TENM2: variants seen among roughly 807,000 people sequenced by gnomAD.
TENM2 encodes teneurin-2.
TENM2 carries 52 observed loss-of-function variants against 245.2 expected under a neutral mutation model. The ratio of observed to expected loss-of-function variants is 0.21; its 90% CI spans 0.17 to 0.27. The LOEUF (loss-of-function observed/expected upper bound fraction) is 0.27. TENM2 is among the 10% of genes least tolerant of loss of function. The pLI, the probability that TENM2 is intolerant of heterozygous loss-of-function variation, is 1.00. For synonymous variants in TENM2, 1,363 were observed against 1,438.9 expected (o/e 0.95, Z 1.19); for missense variants, 3,046 against 3,666.8 (o/e 0.83, Z 4.37).
chr5:167,623,326 C>T (rs1292863703), intron 2 of TENM2, among the ~76,000 whole-genome samples: 1 of 152,040 alleles, frequency 6.6e-6, no homozygotes, highest in African/African-American at 2.4e-5. Context: ...CAGGGAAGAC[C>T]GAATTCTCTT....
chr5:167,210,525 G>A, the TENM2 span, among the ~76,000 whole-genome samples: 3 of 145,902 alleles, frequency 2.1e-5, no homozygotes, highest in Non-Finnish European at 4.5e-5. Flanking sequence ...CTGCAGTGGC[G>A]CAATCTCGGC....
chr5:167,761,103 CT>C (rs1762634919), intron 2 of TENM2, among the ~76,000 whole-genome samples: 1 of 152,172 alleles, frequency 6.6e-6, no homozygotes, highest in South Asian at 2.1e-4. Flanking sequence ...TTTTCCTCTT[CT>C]GTCTTTTGTA....
chr5:168,018,921 G>A (rs1211828510), intron 5 of TENM2, among the ~76,000 whole-genome samples: 6 of 152,126 alleles, frequency 3.9e-5, no homozygotes, highest in African/African-American at 1.4e-4. Flanking sequence ...TATAACACAA[G>A]ACCAAGGAGA....
At chr5:168,047,276 A>T in intron 5 of TENM2, 151 bp from the exon 8 acceptor site, 1 of 781,834 alleles carries the variant, frequency 1.3e-6, no homozygotes. Context: ...TGCTTTCTGT[A>T]TTTAGCTAAT....
chr5:167,195,494 A>G, the TENM2 span, among the ~76,000 whole-genome samples: 1 of 152,024 alleles, frequency 6.6e-6, no homozygotes, highest in Admixed American at 6.6e-5. Flanking sequence ...CAACTACTCA[A>G]CTCAAGTTTG....
intron 2 of TENM2, among the ~76,000 whole-genome samples, chr5:167,503,691 C>G (rs542321841): frequency 6.6e-6 from 1 of 152,060 alleles, no homozygotes. Context: ...CCCAGGAGTT[C>G]CAGACCAGTC....
intron 2 of TENM2, among the ~76,000 whole-genome samples, chr5:167,547,911 T>C (rs1482292188): frequency 6.6e-6 from 1 of 152,216 alleles, no homozygotes; most frequent in Non-Finnish European, 1.5e-5. Flanking sequence ...TCTATTAAGA[T>C]CATTTACACC....
intron 5 of TENM2, among the ~76,000 whole-genome samples, chr5:168,018,443 T>C (rs545304788): frequency 6.6e-6 from 1 of 151,968 alleles, no homozygotes; most frequent in Non-Finnish European, 1.5e-5. Context: ...AAATGAGCTT[T>C]AGGGGGAGAA....
intron 2 of TENM2, among the ~76,000 whole-genome samples, chr5:167,872,545 AAAGAGAAAG>A (rs1773049243): frequency 5.5e-5 from 3 of 54,962 alleles, no homozygotes; most frequent in African/African-American, 1.1e-4. Flanking sequence ...AGAAAGAAAG[AAAGAGAAAG>A]AAAGAAAGAA....
chr5:167,141,580 A>G, the TENM2 span, among the ~76,000 whole-genome samples: 1 of 152,092 alleles, frequency 6.6e-6, no homozygotes, highest in South Asian at 2.1e-4. Context: ...CCATCACCAC[A>G]TTTCATTTGT....
chr5:166,984,783 A>C, the TENM2 span, among the ~76,000 whole-genome samples: 3 of 152,138 alleles, frequency 2.0e-5, no homozygotes, highest in South Asian at 6.2e-4. Flanking sequence ...TCCTTGCAAC[A>C]GACTTTCTGA....
intron 4 of TENM2, among the ~76,000 whole-genome samples, chr5:167,984,069 G>A (rs1426297494): frequency 1.3e-5 from 2 of 152,098 alleles, no homozygotes; most frequent in East Asian, 1.9e-4. Context: ...AGCCCAAGAA[G>A]TAGCTACTAT....
At chr5:167,321,782 CTTAT>C (rs1756741788) in intron 1 of TENM2, among the ~76,000 whole-genome samples, 1 of 59,738 alleles carries the variant, frequency 1.7e-5, no homozygotes, top group Non-Finnish European at 3.1e-5. Context: ...GCTGCCTTGG[CTTAT>C]TTTTTTTTTT....
intron 2 of TENM2, among the ~76,000 whole-genome samples, chr5:167,587,137 A>G (rs1178336354): frequency 4.6e-5 from 7 of 152,044 alleles, no homozygotes; most frequent in African/African-American, 9.7e-5. Context: ...GGTTAATGCA[A>G]TTCATCTCTT....
At chr5:168,127,069 C>T in intron 12 of TENM2, 103 bp downstream of exon 14, 2 of 997,594 alleles carry the variant, frequency 2.0e-6, no homozygotes, top group Non-Finnish European at 1.5e-6. Context: ...ACATTTCCTG[C>T]TGCCCCTCCA....
chr5:167,626,993 A>G (rs966973928), intron 2 of TENM2, among the ~76,000 whole-genome samples: 1 of 152,298 alleles, frequency 6.6e-6, no homozygotes, highest in East Asian at 1.9e-4. Context: ...GAGGCTTTCC[A>G]TGCAACCAAG....
At chr5:167,767,571 C>T (rs1488042461) in intron 2 of TENM2, among the ~76,000 whole-genome samples, 1 of 152,058 alleles carries the variant, frequency 6.6e-6, no homozygotes, top group Non-Finnish European at 1.5e-5. Flanking sequence ...TACTTCAACA[C>T]AATAAAAGAG....
At chr5:167,674,630 T>C (rs1756190136) in intron 2 of TENM2, among the ~76,000 whole-genome samples, 1 of 152,134 alleles carries the variant, frequency 6.6e-6, no homozygotes, top group Non-Finnish European at 1.5e-5. Flanking sequence ...TCCGTGTGTC[T>C]CAATTTCCTC....
intron 2 of TENM2, among the ~76,000 whole-genome samples, chr5:167,570,609 C>A (rs536999578): frequency 2.0e-5 from 3 of 151,798 alleles, no homozygotes; most frequent in African/African-American, 4.9e-5. Context: ...GGCGGTGTTA[C>A]GATCTCTGGT....
Sources: gnomAD v4.1 joint callset for allele counts (sites outside exome capture counted in the v4.1 genomes callset) on GRCh38, gnomAD v4.1.1 for gene constraint, MANE v1.5 for transcripts, NCBI Gene and HGNC (gene_info 2026-07-23, HGNC 2026-07-21) for gene names.